Variants in SLC14A2 observed in about 807,000 individuals in gnomAD.
SLC14A2 encodes the protein urea transporter 2.
SLC14A2 carries 91 observed loss-of-function variants against 104.6 expected under a neutral mutation model. The observed-to-expected ratio is 0.87, with a 90% CI of 0.73 to 1.04. The LOEUF (loss-of-function observed/expected upper bound fraction) is 1.04. SLC14A2 is among the 50% of genes least tolerant of loss of function. The pLI, the probability that SLC14A2 is intolerant of heterozygous loss-of-function variation, is 0.00. For synonymous variants in SLC14A2, 476 were observed against 466.4 expected, an observed-to-expected ratio of 1.02 and a Z score of -0.27; for missense variants, 1,189 against 1,156.0, an observed-to-expected ratio of 1.03 and a Z score of -0.41.
At chr18:45,568,189 C>T (rs1177039604) in intron 2 of SLC14A2, among the ~76,000 whole-genome samples, 1 of 152,214 alleles carries the variant, frequency 6.6e-6, no homozygotes, top group African/African-American at 2.4e-5. Flanking sequence ...ATCCTTCACT[C>T]CCACTGCCAT....
the SLC14A2 span, among the ~76,000 whole-genome samples, chr18:45,183,287 T>C: frequency 6.6e-6 from 1 of 152,206 alleles, no homozygotes; most frequent in Non-Finnish European, 1.5e-5. Flanking sequence ...ATAACACCTC[T>C]TGGGGTAGGC....
intron 19 of SLC14A2, among the ~76,000 whole-genome samples, chr18:45,679,321 T>C (rs2046278965): frequency 1.3e-5 from 2 of 152,248 alleles, no homozygotes; most frequent in Non-Finnish European, 2.9e-5. Context: ...TCTATAACTA[T>C]TTTTAAATCT....
chr18:45,232,905 G>A (rs1226400065), intron 1 of SLC14A2, among the ~76,000 whole-genome samples: 3 of 152,178 alleles, frequency 2.0e-5, no homozygotes, highest in Non-Finnish European at 2.9e-5. Flanking sequence ...ACTGGCTACC[G>A]GTGCTGTGTT....
At chr18:45,256,418 G>T (rs2084479136) in intron 1 of SLC14A2, among the ~76,000 whole-genome samples, 1 of 152,174 alleles carries the variant, frequency 6.6e-6, no homozygotes, top group African/African-American at 2.4e-5. Flanking sequence ...CTTTATGATA[G>T]TTCAACTGCC....
chr18:45,494,413 CTT>C (rs925953004), intron 2 of SLC14A2, among the ~76,000 whole-genome samples: 1 of 152,094 alleles, frequency 6.6e-6, no homozygotes, highest in Non-Finnish European at 1.5e-5. Context: ...TGGTAGTCAT[CTT>C]TTATTTTTTT....
At chr18:45,192,722 T>C in the SLC14A2 span, among the ~76,000 whole-genome samples, 1 of 151,932 alleles carries the variant, frequency 6.6e-6, no homozygotes, top group Non-Finnish European at 1.5e-5. Flanking sequence ...AGTGGTATAG[T>C]CTTGGCTCAC....
chr18:45,416,723 C>T (rs1313492939), intron 1 of SLC14A2, among the ~76,000 whole-genome samples: 3 of 152,078 alleles, frequency 2.0e-5, no homozygotes, highest in Non-Finnish European at 4.4e-5. Context: ...TATTTAACTA[C>T]CGTATTATTT....
chr18:45,400,549 A>C (rs184702790), intron 1 of SLC14A2, among the ~76,000 whole-genome samples: 11 of 152,298 alleles, frequency 7.2e-5, no homozygotes, highest in African/African-American at 2.2e-4. Context: ...TATTAAAGTT[A>C]ATTTTCCCCT....
At chr18:45,611,552 C>T (rs1243528095), upstream of SLC14A2, among the ~76,000 whole-genome samples, 14 of 152,260 alleles carry the variant, frequency 9.2e-5, no homozygotes, top group African/African-American at 2.9e-4. Flanking sequence ...TGAAAGGAGA[C>T]GTGTGTTTAT....
the SLC14A2 span, among the ~76,000 whole-genome samples, chr18:45,175,946 A>G: frequency 1.3e-5 from 2 of 152,192 alleles, no homozygotes; most frequent in Admixed American, 6.5e-5. Context: ...AAAATTTTTA[A>G]ACTATACCAT....
chr18:45,538,433 C>T (rs1431043679), intron 2 of SLC14A2, among the ~76,000 whole-genome samples: 2 of 152,152 alleles, frequency 1.3e-5, no homozygotes, highest in African/African-American at 2.4e-5. Flanking sequence ...TCCAAGGCCA[C>T]GGTCATTTCA....
At chr18:45,564,674 T>C (rs1206762785) in intron 2 of SLC14A2, among the ~76,000 whole-genome samples, 1 of 152,204 alleles carries the variant, frequency 6.6e-6, no homozygotes, top group African/African-American at 2.4e-5. Context: ...TAAGAGATTA[T>C]AGTTGAAATA....
chr18:45,273,623 C>A lies in SLC14A2; in HGVS notation c.-125+60432C>A, dbSNP rs541117189. On this transcript the variant is annotated intron_variant, in intron 1 of 20. Coordinates refer to the SLC14A2 transcript ENST00000586448. ...AGTGGCCAAGAGGAGAAGGAGGAAGCACAAACAGGTGAGCAGAGTAATTGG... is the reference window on the plus strand; with the variant it reads ...AGTGGCCAAGAGGAGAAGGAGGAAGAACAAACAGGTGAGCAGAGTAATTGG... Among the ~76,000 whole-genome samples the A allele has an allele frequency of 1.8e-3, 281 of 152,248 alleles. 4 individuals are homozygous for A. The South Asian group carries it at 0.028, about 15-fold the overall frequency.
chr18:45,337,616 A>T (rs1271086401), intron 1 of SLC14A2, among the ~76,000 whole-genome samples: 1 of 152,182 alleles, frequency 6.6e-6, no homozygotes, highest in Non-Finnish European at 1.5e-5. Context: ...ATTCCTCATT[A>T]TACCCTTCTC....
At position 45,624,441 on chromosome 18, in the gene SLC14A2, G is replaced by A. The variant is rs552335423; in HGVS notation, c.-34-190G>A. 1.5e-3 allele frequency among the ~76,000 whole-genome samples: 232 copies of A among 152,298 alleles called. 1 individual carries two copies. The highest frequency in any genetic ancestry group is 5.0e-3 in the African/African-American group (209 of 41,558). ...CGGCCAAATGGACATTCTTCTGGAC[G>A]CGGAAGAATGGGAGGATTTTGAAAG... On this transcript the variant is annotated intron_variant, in intron 1 of 19. Transcript: ENST00000255226.
chr18:45,586,457 G>C (rs989376667), intron 2 of SLC14A2, among the ~76,000 whole-genome samples: 3 of 152,176 alleles, frequency 2.0e-5, no homozygotes, highest in Non-Finnish European at 2.9e-5. Context: ...GTGCTAGAAA[G>C]GGATTAAAGG....
intron 1 of SLC14A2, among the ~76,000 whole-genome samples, chr18:45,477,769 C>T (rs1203175295): frequency 2.0e-5 from 3 of 152,148 alleles, no homozygotes; most frequent in South Asian, 2.1e-4. Flanking sequence ...TTCCTGGTGG[C>T]GTTGTTTATA....
intron 1 of SLC14A2, chr18:45,482,667 A>T (rs1197158354): frequency 6.6e-6 from 1 of 152,232 alleles, no homozygotes; most frequent in Non-Finnish European, 1.5e-5. Flanking sequence ...CAAGCCAGAG[A>T]ATAAGAGAGC....
chr18:45,256,054 C>G (rs1184868523), intron 1 of SLC14A2, among the ~76,000 whole-genome samples: 1 of 152,192 alleles, frequency 6.6e-6, no homozygotes, highest in Non-Finnish European at 1.5e-5. Context: ...CACTGACAAG[C>G]TGGGTTATGG....
Sources: allele counts gnomAD v4.1 joint callset (sites outside exome capture counted in the v4.1 genomes callset), GRCh38; gene constraint gnomAD v4.1.1; transcripts MANE v1.5; gene names NCBI Gene and HGNC (gene_info 2026-07-23, HGNC 2026-07-21).